The following IGFBP7 variants were observed in gnomAD, a reference collection of about 807,000 sequenced individuals.
The protein encoded by IGFBP7 is insulin like growth factor binding protein 7.
Under a neutral mutation model 29.4 loss-of-function variants are expected in IGFBP7, and 31 were observed. The ratio of observed to expected loss-of-function variants is 1.05; its 90% CI spans 0.79 to 1.42. The LOEUF (loss-of-function observed/expected upper bound fraction) is 1.42, where lower values mean the gene tolerates loss of function less well. IGFBP7 is among the 40% of genes most tolerant of loss of function. IGFBP7 has a pLI of 0.00. For missense variants in IGFBP7, 393 were observed against 395.5 expected, an observed-to-expected ratio of 0.99 and a Z score of 0.05; for synonymous variants, 172 against 174.9, an observed-to-expected ratio of 0.98 and a Z score of 0.13.
intron 1 of IGFBP7, among the ~76,000 whole-genome samples, chr4:57,106,299 CAT>C (rs577156305): frequency 2.2e-4 from 34 of 152,248 alleles, no homozygotes; most frequent in Middle Eastern, 3.4e-3. Context: ...ATACCTCACA[CAT>C]GTGTATGAAC....
At chr4:57,037,080 G>T (rs190900768) in intron 2 of IGFBP7, among the ~76,000 whole-genome samples, 8 of 152,254 alleles carry the variant, frequency 5.3e-5, no homozygotes, top group Non-Finnish European at 1.2e-4. Flanking sequence ...TTCATAAGTG[G>T]TAAGTGTGAT....
intron 1 of IGFBP7, among the ~76,000 whole-genome samples, chr4:57,109,277 A>G (rs1726111503): frequency 6.6e-6 from 1 of 151,566 alleles, no homozygotes; most frequent in Admixed American, 6.6e-5. Context: ...AAAACAAAAC[A>G]AAAAACCAAA....
At position 57,094,792 on chromosome 4, in the gene IGFBP7, C is replaced by G. The variant is rs145629065; in HGVS notation, c.475+15085G>C. Among the ~76,000 whole-genome samples, 766 of 152,344 alleles carry G rather than the reference C, an allele frequency of 5.0e-3. 7 individuals are homozygous for G. Among genetic ancestry groups the G allele is most frequent in the African/African-American group, 0.017 (717 of 41,576 alleles). On this transcript the variant is annotated intron_variant, in intron 1 of 4. Coordinates refer to ENST00000295666, the MANE Select transcript of IGFBP7 (RefSeq NM_001553.3). ...ACCCTTGACCATTTCCAAACACTGT[C>G]AATCCTCACTATTTGTGGATGCCAT...
At chr4:57,094,127 C>CT (rs755278230) in intron 1 of IGFBP7, among the ~76,000 whole-genome samples, 5 of 152,168 alleles carry the variant, frequency 3.3e-5, no homozygotes, top group Non-Finnish European at 5.9e-5. Context: ...TTCTAAGCTC[C>CT]TTAGAGCAGG....
intron 1 of IGFBP7, among the ~76,000 whole-genome samples, chr4:57,052,407 C>T (rs1446986339): frequency 2.0e-5 from 3 of 152,102 alleles, no homozygotes; most frequent in African/African-American, 7.2e-5. Context: ...ATCACCTGGG[C>T]CATGAGGAGG....
intron 1 of IGFBP7, among the ~76,000 whole-genome samples, chr4:57,100,857 A>G (rs989385944): frequency 2.0e-5 from 3 of 152,376 alleles, no homozygotes; most frequent in Admixed American, 2.0e-4. Context: ...TAAAGTAAGT[A>G]CCAGAATTGC....
intron 1 of IGFBP7, among the ~76,000 whole-genome samples, chr4:57,060,042 G>T (rs1724764144): frequency 6.6e-6 from 1 of 152,176 alleles, no homozygotes; most frequent in Non-Finnish European, 1.5e-5. Flanking sequence ...GTCACATGAG[G>T]AATAGAAAGA....
intron 2 of IGFBP7, among the ~76,000 whole-genome samples, chr4:57,033,519 A>G (rs746460796): frequency 2.6e-5 from 4 of 152,138 alleles, no homozygotes; most frequent in Non-Finnish European, 5.9e-5. Flanking sequence ...CTAAGCGTAC[A>G]TGTTTTAAAC....
intron 1 of IGFBP7, among the ~76,000 whole-genome samples, chr4:57,080,767 A>C (rs1725346786): frequency 6.6e-6 from 1 of 152,202 alleles, no homozygotes; most frequent in Non-Finnish European, 1.5e-5. Flanking sequence ...CCCTATGCCT[A>C]CCGTGCACAC....
chr4:57,068,687 C>T (rs1724980306), intron 1 of IGFBP7, among the ~76,000 whole-genome samples: 1 of 152,086 alleles, frequency 6.6e-6, no homozygotes, highest in African/African-American at 2.4e-5. Context: ...TGTCACAGTG[C>T]ATGTATATAA....
At chr4:57,103,655 C>CTTTTTTTTTTTTTT (rs1560510152) in intron 1 of IGFBP7, among the ~76,000 whole-genome samples, 1 of 63,714 alleles carries the variant, frequency 1.6e-5, no homozygotes, top group Non-Finnish European at 2.9e-5. Context: ...TTTTTTTTTT[C>CTTTTTTTTTTTTTT]TTTTCTTTTT....
At chr4:57,071,296 C>A (rs1024721167) in intron 1 of IGFBP7, among the ~76,000 whole-genome samples, 5 of 152,206 alleles carry the variant, frequency 3.3e-5, no homozygotes, top group African/African-American at 1.2e-4. Context: ...CAATTCCATG[C>A]TGTCATTGAA....
chr4:57,074,542 G>A (rs963675555), intron 1 of IGFBP7, among the ~76,000 whole-genome samples: 47 of 152,174 alleles, frequency 3.1e-4, no homozygotes, highest in African/African-American at 1.1e-3. Flanking sequence ...AGACACAAAA[G>A]AGTCTCCAGC....
chr4:57,038,668 T>A (rs977672088), intron 2 of IGFBP7, among the ~76,000 whole-genome samples: 10 of 152,196 alleles, frequency 6.6e-5, no homozygotes, highest in Non-Finnish European at 1.3e-4. Flanking sequence ...GGTTATGCCC[T>A]TTTACTTAAA....
chr4:57,094,432 C>G (rs932819795), intron 1 of IGFBP7, among the ~76,000 whole-genome samples: 1 of 152,098 alleles, frequency 6.6e-6, no homozygotes, highest in African/African-American at 2.4e-5. Context: ...ACGTGGGATG[C>G]TCTGTAGCTG....
chr4:57,057,860 A>G (rs965408606), intron 1 of IGFBP7, among the ~76,000 whole-genome samples: 1 of 152,204 alleles, frequency 6.6e-6, no homozygotes, highest in African/African-American at 2.4e-5. Flanking sequence ...GTCCTTGGGA[A>G]AGGGTTATGG....
chr4:57,109,848 G>A, intron 1 of IGFBP7, 29 bp downstream of exon 1: 1 of 1,531,928 alleles, frequency 6.5e-7, no homozygotes, highest in Non-Finnish European at 8.7e-7. Flanking sequence ...GAGCGGCGCA[G>A]GGTTGGAGAG....
chr4:57,089,430 C>T (rs960779072), intron 1 of IGFBP7, among the ~76,000 whole-genome samples: 1 of 152,086 alleles, frequency 6.6e-6, no homozygotes, highest in Non-Finnish European at 1.5e-5. Flanking sequence ...AAAATGGACT[C>T]TATGTGGTTT....
At chr4:57,072,876 T>C in intron 1 of IGFBP7, 1 of 655,190 alleles carries the variant, frequency 1.5e-6, no homozygotes, top group Non-Finnish European at 2.9e-6. Context: ...AATGTACCCA[T>C]GGTGAAGTTC....
Sources: allele counts gnomAD v4.1 joint callset (sites outside exome capture counted in the v4.1 genomes callset), GRCh38; gene constraint gnomAD v4.1.1; transcripts MANE v1.5; gene names NCBI Gene and HGNC (gene_info 2026-07-23, HGNC 2026-07-21).